Variants in SIAH2 observed in about 807,000 individuals in gnomAD.
The protein encoded by SIAH2 is siah E3 ubiquitin protein ligase 2.
Under a neutral mutation model 20.4 loss-of-function variants are expected in SIAH2, and 4 were observed. The observed-to-expected ratio is 0.20, with a 90% confidence interval of 0.10 to 0.45. The LOEUF is 0.45. Ranked by LOEUF, SIAH2 falls within the 20% of genes least tolerant of loss-of-function variation. The pLI is 0.99. For synonymous variants in SIAH2, 171 were observed against 192.5 expected (o/e 0.89, Z 0.93); for missense variants, 259 against 440.3 (o/e 0.59, Z 3.69).
chr3:150,754,928 T>C (rs1004111089), intron 1 of SIAH2, among the ~76,000 whole-genome samples: 9 of 152,272 alleles, frequency 5.9e-5, no homozygotes, highest in East Asian at 3.9e-4. Context: ...GGGAAGCTCA[T>C]TGGGAAAATC....
At chr3:150,748,743 T>C (rs908636889) in intron 1 of SIAH2, among the ~76,000 whole-genome samples, 1 of 152,226 alleles carries the variant, frequency 6.6e-6, no homozygotes, top group African/African-American at 2.4e-5. Flanking sequence ...GAAATGACCT[T>C]GTCTTGGAGT....
intron 1 of SIAH2, among the ~76,000 whole-genome samples, chr3:150,747,608 A>AAC (rs369033384): frequency 1.8e-3 from 267 of 150,764 alleles, no homozygotes; most frequent in South Asian, 5.2e-3. Flanking sequence ...ATCTCTAAAG[A>AAC]ACACACACAC....
chr3:150,742,718 T>C lies in SIAH2; in HGVS notation c.418-20A>G. The C allele has an allele frequency of 1.3e-6, 2 of 1,518,052 alleles. No homozygotes were observed. The highest frequency in any genetic ancestry group is 1.8e-6 in the Non-Finnish European group (2 of 1,133,530). 94.0% of individuals were successfully genotyped at this position (1,518,052 alleles called of 1,614,324 possible). On this transcript the variant is annotated intron_variant, in intron 1 of 1. Transcript: ENST00000312960. The surrounding 1 kb of genome is among the most constrained non-coding windows in gnomAD (Gnocchi z 4.8). ...GGCATACTGCAAAGAAAGAAATGCA[T>C]TGAGCCATTGGGCCTTCTCAAAACT... is the stretch of plus-strand genomic sequence containing the variant.
chr3:150,749,507 CA>C (rs1714310466), intron 1 of SIAH2, among the ~76,000 whole-genome samples: 2 of 152,060 alleles, frequency 1.3e-5, no homozygotes, highest in South Asian at 2.1e-4. Context: ...CACCCTGTCT[CA>C]AAAATACATA....
rs1209040213 is a variant in SIAH2, at chr3:150,762,399, C to T, written c.417+34G>A. 4 of 1,586,006 alleles carry T rather than the reference C, an allele frequency of 2.5e-6. No homozygotes were observed. The highest frequency in any genetic ancestry group is 3.4e-6 in the Non-Finnish European group (4 of 1,167,806). ...GCGGATACCGGAGTCCCTGAGGTCA[C>T]CGGCGGAGGTACGTGGGCTGTCCCT... On this transcript the variant is annotated intron_variant, in intron 1 of 1. Coordinates refer to ENST00000312960, the MANE Select transcript of SIAH2 (RefSeq NM_005067.7). The surrounding 1 kb of genome is among the most constrained non-coding windows in gnomAD (Gnocchi z 6.6).
At chr3:150,750,309 AT>A (rs1458724222) in intron 1 of SIAH2, among the ~76,000 whole-genome samples, 1 of 152,200 alleles carries the variant, frequency 6.6e-6, no homozygotes, top group East Asian at 1.9e-4. Flanking sequence ...TGGTTCACTG[AT>A]TCATTGCCTG....
chr3:150,752,514 C>A (rs1438057858), intron 1 of SIAH2, among the ~76,000 whole-genome samples: 2 of 152,096 alleles, frequency 1.3e-5, no homozygotes, highest in East Asian at 3.8e-4. Context: ...GAGGCTGAGG[C>A]ATGAGAATCA....
At chr3:150,753,682 C>T (rs2116685) in intron 1 of SIAH2, among the ~76,000 whole-genome samples, 28,160 of 151,912 alleles carry the variant, frequency 0.19, 5,690 homozygotes, top group African/African-American at 0.49. Context: ...TAATCCCAGC[C>T]ACTCAAGAGG....
At chr3:150,758,160 T>C (rs1714525087) in intron 1 of SIAH2, among the ~76,000 whole-genome samples, 1 of 152,216 alleles carries the variant, frequency 6.6e-6, no homozygotes, top group Non-Finnish European at 1.5e-5. Context: ...TTATGTTATT[T>C]TTTATTTTTT....
intron 1 of SIAH2, among the ~76,000 whole-genome samples, chr3:150,752,900 T>C (rs1408723703): frequency 6.6e-6 from 1 of 152,142 alleles, no homozygotes; most frequent in Admixed American, 6.5e-5. Flanking sequence ...AAAAAGACAC[T>C]GTATATGTAA....
Position 150,741,995 on chromosome 3 carries a change from G to A in SIAH2, c.*146C>T. 3.9e-6 allele frequency: 3 copies of A among 778,970 alleles called. No individual in the cohort carries two copies. Among genetic ancestry groups the A allele is most frequent in the Middle Eastern group, 3.8e-4 (1 of 2,616 alleles). 48.3% of individuals were successfully genotyped at this position (778,970 alleles called of 1,614,324 possible). ...GGTTAATGAACTTTGTTGGGTCGAA[G>A]CCAGATGGGACACTGCTGTTCAAAC... On this transcript the variant is annotated 3_prime_UTR_variant, in exon 2 of 2. Transcript: ENST00000312960.
intron 1 of SIAH2, among the ~76,000 whole-genome samples, chr3:150,755,251 G>T (rs1714459040): frequency 6.7e-6 from 1 of 149,940 alleles, no homozygotes; most frequent in African/African-American, 2.4e-5. Context: ...TATCTTTGCT[G>T]ATTCAAAATT....
Position 150,741,271 on chromosome 3 carries a change from TGAG to T in SIAH2, c.*867_*869del, listed in dbSNP as rs1184298121. 6.6e-6 allele frequency: 1 copy of T among 152,580 alleles called. No homozygotes were observed. The highest frequency in any genetic ancestry group is 1.5e-5 in the Non-Finnish European group (1 of 68,026). 9.5% of individuals were successfully genotyped at this position (152,580 alleles called of 1,614,324 possible). A position where few individuals can be genotyped will look rare whatever the true frequency, so the allele number is the denominator to read the frequency against. On this transcript the variant is annotated 3_prime_UTR_variant, in exon 2 of 2. Coordinates refer to ENST00000312960, the MANE Select transcript of SIAH2 (RefSeq NM_005067.7). ...TTTAGTCTTTCACACCAGCTACTGT[TGAG>T]GAGGGCTTCCGAGGGAAGCCACGTG... is the stretch of plus-strand genomic sequence containing the variant.
intron 1 of SIAH2, among the ~76,000 whole-genome samples, chr3:150,750,092 G>A (rs879513612): frequency 6.6e-6 from 1 of 152,206 alleles, no homozygotes; most frequent in Non-Finnish European, 1.5e-5. Context: ...ATTAGGACTT[G>A]TGCAAATGGG....
At chr3:150,757,542 G>A (rs1416985277) in intron 1 of SIAH2, among the ~76,000 whole-genome samples, 2 of 152,200 alleles carry the variant, frequency 1.3e-5, no homozygotes, top group Non-Finnish European at 2.9e-5. Context: ...CTCAAGGAAT[G>A]CTTCTACAAG....
chr3:150,755,633 T>G (rs1714471206), intron 1 of SIAH2, among the ~76,000 whole-genome samples: 1 of 152,184 alleles, frequency 6.6e-6, no homozygotes, highest in African/African-American at 2.4e-5. Context: ...CTCCTGCCTC[T>G]CAGCCTCCCA....
intron 1 of SIAH2, among the ~76,000 whole-genome samples, chr3:150,754,451 T>C (rs1714438151): frequency 6.6e-6 from 1 of 152,074 alleles, no homozygotes; most frequent in Non-Finnish European, 1.5e-5. Context: ...TCATGAGAAA[T>C]CCACCCCCAA....
At chr3:150,752,517 G>A (rs919354380) in intron 1 of SIAH2, among the ~76,000 whole-genome samples, 2 of 152,146 alleles carry the variant, frequency 1.3e-5, no homozygotes, top group Admixed American at 6.5e-5. Flanking sequence ...GCTGAGGCAT[G>A]AGAATCACTT....
chr3:150,757,174 T>G (rs1714501124), intron 1 of SIAH2, among the ~76,000 whole-genome samples: 1 of 152,144 alleles, frequency 6.6e-6, no homozygotes, highest in African/African-American at 2.4e-5. Context: ...AGTATGTGAC[T>G]GGACCAAAGT....
Sources: gnomAD v4.1 joint callset for allele counts (sites outside exome capture counted in the v4.1 genomes callset) on GRCh38, gnomAD v4.1.1 for gene constraint, Gnocchi (gnomAD v3.1) non-coding constraint, MANE v1.5 for transcripts, NCBI Gene and HGNC (gene_info 2026-07-23, HGNC 2026-07-21) for gene names.